Variants in WDR7 observed in about 807,000 individuals in gnomAD.
The protein encoded by WDR7 is WD repeat domain 7.
In WDR7, 46 loss-of-function variants were observed where a neutral mutation model predicts 169.4. The observed-to-expected ratio is 0.27, with a 90% CI of 0.21 to 0.35. WDR7 has a LOEUF of 0.35. Ranked by LOEUF, WDR7 falls within the 10% of genes least tolerant of loss-of-function variation. The pLI is 1.00. For missense variants in WDR7, 1,534 were observed against 1,859.3 expected (o/e 0.83, Z 3.22); for synonymous variants, 612 against 666.8 (o/e 0.92, Z 1.27).
chr18:56,876,844 G>T (rs539481230), intron 20 of WDR7, among the ~76,000 whole-genome samples: 39 of 152,154 alleles, frequency 2.6e-4, no homozygotes, highest in African/African-American at 8.9e-4. Flanking sequence ...AAATTAATAA[G>T]ATAGAAAACA....
At chr18:56,813,520 G>A (rs1395636837) in intron 19 of WDR7, among the ~76,000 whole-genome samples, 1 of 151,606 alleles carries the variant, frequency 6.6e-6, no homozygotes, top group Non-Finnish European at 1.5e-5. Context: ...ATTGATATGA[G>A]CAGGAATTCT....
At position 56,691,275 on chromosome 18, in the gene WDR7, A is replaced by G. The variant is rs747848419; in HGVS notation, c.777A>G (p.Thr259=). The change falls in exon 8 of 28, where the codon ACA becomes ACG. Residue 259 remains threonine, a synonymous_variant. Transcript: ENST00000254442. ...LCSGPSENGQ[T]WTGGDFVSSD... is the part of the protein sequence containing the mutation. ...CAGGTCCTAGTGAAAATGGACAGAC[A>G]TGGACCGGGGGGGACTTTGTCTCAT... 29 of 1,609,846 alleles carry G rather than the reference A, an allele frequency of 1.8e-5. No homozygotes were observed. The East Asian group carries it at 2.0e-4, about 11-fold the overall frequency.
chr18:57,016,391 A>G (rs763597764), intron 26 of WDR7, among the ~76,000 whole-genome samples: 1 of 152,178 alleles, frequency 6.6e-6, no homozygotes, highest in Non-Finnish European at 1.5e-5. Context: ...CGTTTTCATA[A>G]TTTATGTTAA....
chr18:56,697,118 C>G (rs1231199115), intron 12 of WDR7, among the ~76,000 whole-genome samples: 1 of 152,004 alleles, frequency 6.6e-6, no homozygotes, highest in Non-Finnish European at 1.5e-5. Flanking sequence ...GATTAGTCAT[C>G]TTTGTGTGCA....
intron 25 of WDR7, among the ~76,000 whole-genome samples, chr18:56,954,827 A>C (rs2145749310): frequency 6.6e-6 from 1 of 152,330 alleles, no homozygotes; most frequent in Non-Finnish European, 1.5e-5. Context: ...TAAGTGTTTA[A>C]ACTTTTGAAC....
At chr18:56,683,479 A>C (rs1217108800) in intron 5 of WDR7, among the ~76,000 whole-genome samples, 2 of 152,170 alleles carry the variant, frequency 1.3e-5, no homozygotes, top group Non-Finnish European at 2.9e-5. Flanking sequence ...TTTACTTTCA[A>C]ATGGCTTCAT....
intron 25 of WDR7, among the ~76,000 whole-genome samples, chr18:56,959,055 G>T (rs1430973136): frequency 1.3e-5 from 2 of 152,098 alleles, no homozygotes; most frequent in Non-Finnish European, 2.9e-5. Flanking sequence ...TGGGTAAAAG[G>T]CTGTTGTGTT....
At chr18:56,758,698 G>A (rs998125060) in intron 15 of WDR7, among the ~76,000 whole-genome samples, 167 bp from the exon 16 acceptor site, 1 of 152,060 alleles carries the variant, frequency 6.6e-6, no homozygotes, top group Non-Finnish European at 1.5e-5. Flanking sequence ...AATGGAAAAC[G>A]TTAATAGGTC....
chr18:56,904,538 T>A (rs1418413937), intron 21 of WDR7, among the ~76,000 whole-genome samples: 1 of 152,154 alleles, frequency 6.6e-6, no homozygotes, highest in Non-Finnish European at 1.5e-5. Context: ...TTCAAGATAC[T>A]CATGATTTTT....
chr18:56,772,502 A>G (rs914440179), intron 16 of WDR7, among the ~76,000 whole-genome samples: 2 of 152,208 alleles, frequency 1.3e-5, no homozygotes, highest in Non-Finnish European at 2.9e-5. Flanking sequence ...TAGAAGAAAT[A>G]GGTACACAGA....
intron 20 of WDR7, among the ~76,000 whole-genome samples, chr18:56,829,421 T>TG (rs2045271094): frequency 1.3e-5 from 2 of 152,138 alleles, no homozygotes; most frequent in African/African-American, 4.8e-5. Flanking sequence ...CCTCCCCATG[T>TG]GGAAAGTCTC....
At chr18:56,905,641 A>ATC in intron 21 of WDR7, among the ~76,000 whole-genome samples, 1 of 138,718 alleles carries the variant, frequency 7.2e-6, no homozygotes, top group Middle Eastern at 3.8e-3. Context: ...ATATATATAT[A>ATC]TCATATGAAA....
chr18:56,978,676 C>A (rs1003675441), intron 26 of WDR7, among the ~76,000 whole-genome samples: 1 of 152,208 alleles, frequency 6.6e-6, no homozygotes, highest in Non-Finnish European at 1.5e-5. Context: ...TGTAAATTCA[C>A]TGGGCATTGC....
intron 26 of WDR7, among the ~76,000 whole-genome samples, chr18:56,972,053 G>A (rs1568294026): frequency 6.6e-6 from 1 of 152,164 alleles, no homozygotes; most frequent in East Asian, 1.9e-4. Flanking sequence ...TATTTTGGGG[G>A]AAAGGGGACT....
chr18:56,729,348 A>C (rs1463993735), intron 13 of WDR7, among the ~76,000 whole-genome samples: 1 of 152,188 alleles, frequency 6.6e-6, no homozygotes, highest in Non-Finnish European at 1.5e-5. Context: ...TTGATATGTT[A>C]CAAATCTTCA....
intron 20 of WDR7, among the ~76,000 whole-genome samples, chr18:56,852,001 A>G (rs1267725912): frequency 2.0e-5 from 3 of 152,088 alleles, no homozygotes; most frequent in African/African-American, 7.2e-5. Context: ...CACAGAGAAA[A>G]TGACCCTCTG....
chr18:56,907,384 C>G (rs1014214959), intron 21 of WDR7, among the ~76,000 whole-genome samples: 3 of 152,046 alleles, frequency 2.0e-5, no homozygotes, highest in Admixed American at 6.6e-5. Context: ...CTTATGGATG[C>G]CTTCTATTAC....
chr18:56,787,091 C>G (rs1267260089), intron 19 of WDR7, among the ~76,000 whole-genome samples: 1 of 151,996 alleles, frequency 6.6e-6, no homozygotes, highest in East Asian at 1.9e-4. Flanking sequence ...TTATATGTCT[C>G]TTATTTGTGA....
intron 21 of WDR7, among the ~76,000 whole-genome samples, chr18:56,883,294 G>T (rs1162119435): frequency 6.6e-6 from 1 of 151,558 alleles, no homozygotes; most frequent in Non-Finnish European, 1.5e-5. Context: ...CTGGATGCTG[G>T]GTAGGTTAGT....
Sources: allele counts gnomAD v4.1 joint callset (sites outside exome capture counted in the v4.1 genomes callset), GRCh38; gene constraint gnomAD v4.1.1; transcripts MANE v1.5; gene names NCBI Gene and HGNC (gene_info 2026-07-23, HGNC 2026-07-21).